AKAP7: variants seen among roughly 807,000 people sequenced by gnomAD.
The protein encoded by AKAP7 is A kinase (PRKA) anchor protein 7.
Under a neutral mutation model 39.5 loss-of-function variants are expected in AKAP7, and 39 were observed. The ratio of observed to expected loss-of-function variants is 0.99; its 90% CI spans 0.76 to 1.29. The LOEUF (loss-of-function observed/expected upper bound fraction) is 1.29, where lower values mean the gene tolerates loss of function less well. Ranked by LOEUF, AKAP7 falls within the 50% of genes most tolerant of loss-of-function variation. The pLI is 0.00. For synonymous variants in AKAP7, 140 were observed against 139.1 expected (o/e 1.01, Z -0.05); for missense variants, 414 against 407.7 (o/e 1.02, Z -0.13).
Position 131,282,419 on chromosome 6 carries a change from C to T in AKAP7, c.*693C>T, listed in dbSNP as rs755491054. 2.2e-5 allele frequency: 33 copies of T among 1,504,064 alleles called. 2 individuals are homozygous for T. The South Asian group carries it at 3.1e-4, about 14-fold the overall frequency. The allele number at this position is 1,504,064 out of a possible 1,614,324, so 93.2% of individuals were successfully genotyped here. A position where few individuals can be genotyped will look rare whatever the true frequency, so the allele number is the denominator to read the frequency against. On this transcript the variant is annotated 3_prime_UTR_variant, in exon 8 of 8. Coordinates refer to ENST00000431975, the MANE Select transcript of AKAP7 (RefSeq NM_016377.4). Reference sequence around the variant, plus strand: ...CTTAGGCAAGAAACCTATTGGAATTCGAGACTTAATTAATGAAGCTTTGCA... The same window carrying T: ...CTTAGGCAAGAAACCTATTGGAATTTGAGACTTAATTAATGAAGCTTTGCA...
intron 7 of AKAP7, among the ~76,000 whole-genome samples, chr6:131,268,583 G>A (rs996779231): frequency 6.6e-6 from 1 of 152,144 alleles, no homozygotes; most frequent in Admixed American, 6.6e-5. Flanking sequence ...AAGGAGTGAA[G>A]TGTATTTGCA....
intron 7 of AKAP7, chr6:131,250,265 T>A: frequency 3.4e-6 from 4 of 1,173,620 alleles, no homozygotes; most frequent in Non-Finnish European, 4.2e-6. Flanking sequence ...CACTGACCTA[T>A]GGCCAGGGAC....
Position 131,150,350 on chromosome 6 carries a change from T to C in AKAP7, c.151+4934T>C, listed in dbSNP as rs570964669. ...TTAAAAAATACTTAGATTTTAAACA[T>C]CTTAAAATATAAATTGAAACTTACC... is the stretch of plus-strand genomic sequence containing the variant. On this transcript the variant is annotated intron_variant, in intron 2 of 7. Coordinates refer to ENST00000431975, the MANE Select transcript of AKAP7 (RefSeq NM_016377.4). Among the ~76,000 whole-genome samples, 7 of 152,358 alleles carry C rather than the reference T, an allele frequency of 4.6e-5. No individual in the cohort carries two copies. In the East Asian group the frequency reaches 1.3e-3, roughly 29 times the overall value.
chr6:131,146,773 G>T (rs1481599156), intron 2 of AKAP7, among the ~76,000 whole-genome samples: 1 of 152,164 alleles, frequency 6.6e-6, no homozygotes, highest in Non-Finnish European at 1.5e-5. Context: ...GAGAAGTTAA[G>T]TAAATTAAAT....
chr6:131,228,250 AG>A (rs1810345138), intron 7 of AKAP7, among the ~76,000 whole-genome samples: 1 of 152,222 alleles, frequency 6.6e-6, no homozygotes. Context: ...TAGGAAAAAA[AG>A]GTTTTGAGCT....
intron 7 of AKAP7, among the ~76,000 whole-genome samples, chr6:131,229,275 AACTC>A (rs1317229935): frequency 6.6e-6 from 1 of 152,190 alleles, no homozygotes; most frequent in Non-Finnish European, 1.5e-5. Context: ...AATTTTGGAA[AACTC>A]ACATATATTA....
chr6:131,246,010 A>T (rs1811973442), intron 7 of AKAP7, among the ~76,000 whole-genome samples: 1 of 151,720 alleles, frequency 6.6e-6, no homozygotes, highest in African/African-American at 2.4e-5. Context: ...GATAATTTGC[A>T]TAGTTTTGTA....
intron 7 of AKAP7, among the ~76,000 whole-genome samples, chr6:131,278,809 C>T (rs760898361): frequency 3.9e-5 from 6 of 152,146 alleles, no homozygotes; most frequent in East Asian, 3.8e-4. Context: ...ATTACAGTTC[C>T]GCAGGAGATT....
intron 3 of AKAP7, chr6:131,164,200 CTAT>C (rs1803253151): frequency 3.2e-6 from 1 of 315,118 alleles, no homozygotes; most frequent in African/African-American, 2.2e-5. Context: ...CCCTTTTTTT[CTAT>C]TGTGCTGCCT....
the AKAP7 span, among the ~76,000 whole-genome samples, chr6:131,126,444 A>C: frequency 6.6e-6 from 1 of 152,228 alleles, no homozygotes; most frequent in Non-Finnish European, 1.5e-5. Flanking sequence ...TAGATTTATG[A>C]GCAGGCAAAA....
chr6:131,250,296 G>T, intron 7 of AKAP7: 1 of 1,239,892 alleles, frequency 8.1e-7, no homozygotes, highest in Non-Finnish European at 1.0e-6. Flanking sequence ...GTGAGAATAC[G>T]GGAGCGTATA....
chr6:131,269,817 A>T (rs1322596), intron 7 of AKAP7, among the ~76,000 whole-genome samples: 36,919 of 152,132 alleles, frequency 0.24, 5,544 homozygotes, highest in African/African-American at 0.43. Context: ...GGAAATTATT[A>T]TTCCTATTTT....
chr6:131,194,386 C>T (rs958888895), intron 5 of AKAP7, among the ~76,000 whole-genome samples: 13 of 152,014 alleles, frequency 8.6e-5, no homozygotes, highest in African/African-American at 3.1e-4. Context: ...CCACTGTGGG[C>T]AGAGAAGATG....
At chr6:131,241,577 ATGTGTGTG>A (rs749601887) in intron 7 of AKAP7, among the ~76,000 whole-genome samples, 73 of 81,296 alleles carry the variant, frequency 9.0e-4, no homozygotes, top group South Asian at 3.9e-3. Flanking sequence ...GATTATATAT[ATGTGTGTG>A]TGTGTGTGTG....
intron 1 of AKAP7, among the ~76,000 whole-genome samples, chr6:131,143,787 C>A (rs1297332415): frequency 1.6e-5 from 2 of 126,212 alleles, no homozygotes; most frequent in South Asian, 2.5e-4. Flanking sequence ...TTTTATTGAT[C>A]ATTCTTGGGT....
At chr6:131,188,427 G>T (rs1806080428) in intron 5 of AKAP7, among the ~76,000 whole-genome samples, 1 of 152,200 alleles carries the variant, frequency 6.6e-6, no homozygotes, top group South Asian at 2.1e-4. Flanking sequence ...CGTATTATAT[G>T]TGACACAATT....
chr6:131,162,297 G>A (rs186883120), intron 3 of AKAP7, among the ~76,000 whole-genome samples: 3 of 152,294 alleles, frequency 2.0e-5, no homozygotes, highest in East Asian at 1.9e-4. Context: ...AGTCCTGTCC[G>A]CAGCTTTTAG....
chr6:131,201,035 A>G (rs1034448689), intron 6 of AKAP7: 1 of 152,220 alleles, frequency 6.6e-6, no homozygotes, highest in Non-Finnish European at 1.5e-5. Flanking sequence ...ACTGCATTTA[A>G]ATGATTTATT....
chr6:131,201,487 T>G (rs996636114), intron 6 of AKAP7, among the ~76,000 whole-genome samples: 3 of 152,222 alleles, frequency 2.0e-5, no homozygotes, highest in Admixed American at 6.5e-5. Context: ...AGATTCTGCA[T>G]ATTAGCCCTT....
Sources: gnomAD v4.1 joint callset for allele counts (sites outside exome capture counted in the v4.1 genomes callset) on GRCh38, gnomAD v4.1.1 for gene constraint, MANE v1.5 for transcripts, NCBI Gene and HGNC (gene_info 2026-07-23, HGNC 2026-07-21) for gene names.